The following WWOX variants were observed in gnomAD, a reference collection of about 807,000 sequenced individuals.
The protein encoded by WWOX is WW domain-containing oxidoreductase.
In WWOX, 69 loss-of-function variants were observed where a neutral mutation model predicts 46.2. The observed-to-expected ratio is 1.49, with a 90% CI of 1.23 to 1.82. WWOX has a LOEUF of 1.82. Among genes scored for constraint, WWOX ranks in the 40% most tolerant of loss-of-function variants. The pLI, the probability that WWOX is intolerant of heterozygous loss-of-function variation, is 0.00. For missense variants in WWOX, 919 were observed against 542.6 expected, an observed-to-expected ratio of 1.69 and a Z score of -6.89; for synonymous variants, 359 against 202.6, an observed-to-expected ratio of 1.77 and a Z score of -6.56.
chr16:78,927,115 C>T (rs370219928), intron 8 of WWOX, among the ~76,000 whole-genome samples: 3 of 152,184 alleles, frequency 2.0e-5, no homozygotes, highest in Admixed American at 6.5e-5. Context: ...TTCTTGACTG[C>T]GAGAAAGTCA....
At chr16:79,096,455 G>C (rs1005636740) in intron 8 of WWOX, among the ~76,000 whole-genome samples, 1 of 151,984 alleles carries the variant, frequency 6.6e-6, no homozygotes, top group Non-Finnish European at 1.5e-5. Context: ...CTGTTCAATG[G>C]AATGAGACCC....
In WWOX at chr16:79,053,313, A is replaced by G. The variant is rs137979273; in HGVS notation, c.1057-158295A>G. Among the ~76,000 whole-genome samples the G allele has an allele frequency of 3.0e-3, 463 of 152,286 alleles. 4 individuals are homozygous for G. The highest frequency in any genetic ancestry group is 8.1e-3 in the Admixed American group (124 of 15,284). On this transcript the variant is annotated intron_variant, in intron 8 of 8. Transcript: ENST00000566780. ...TTAATTTCCACCAATTAGAACCCGA[A>G]TGAAGCCGTTTTAATGTGATTCCTG...
intron 8 of WWOX, among the ~76,000 whole-genome samples, chr16:78,668,345 C>T (rs1449229196): frequency 6.6e-6 from 1 of 152,144 alleles, no homozygotes; most frequent in Non-Finnish European, 1.5e-5. Flanking sequence ...TTCTCCTGTT[C>T]GACTTGACTC....
chr16:78,820,371 C>T (rs182477515), intron 8 of WWOX, among the ~76,000 whole-genome samples: 240 of 152,254 alleles, frequency 1.6e-3, no homozygotes, highest in African/African-American at 5.5e-3. Flanking sequence ...CAGAAATAAT[C>T]GTGGAGTCAA....
At chr16:78,742,125 T>G (rs1039629053) in intron 8 of WWOX, among the ~76,000 whole-genome samples, 3 of 152,174 alleles carry the variant, frequency 2.0e-5, no homozygotes, top group Admixed American at 6.5e-5. Context: ...TCTCAACCCA[T>G]TTAAATGTCT....
At chr16:78,687,419 A>T (rs141498376) in intron 8 of WWOX, among the ~76,000 whole-genome samples, 2,027 of 152,312 alleles carry the variant, frequency 0.013, 49 homozygotes, top group African/African-American at 0.047. Flanking sequence ...GATTTGTTCT[A>T]TTGCATGCTG....
At chr16:79,011,712 C>G (rs1309165471) in intron 8 of WWOX, among the ~76,000 whole-genome samples, 1 of 151,924 alleles carries the variant, frequency 6.6e-6, no homozygotes, top group African/African-American at 2.4e-5. Flanking sequence ...AGGCTGGTCT[C>G]AAACTCCTGG....
At chr16:79,184,158 C>G (rs528292834) in intron 8 of WWOX, among the ~76,000 whole-genome samples, 1 of 152,170 alleles carries the variant, frequency 6.6e-6, no homozygotes, top group South Asian at 2.1e-4. Flanking sequence ...TAAACCCTCC[C>G]CCAAATGCTC....
At chr16:78,250,052 C>T (rs1276162823) in intron 5 of WWOX, among the ~76,000 whole-genome samples, 1 of 152,208 alleles carries the variant, frequency 6.6e-6, no homozygotes, top group Non-Finnish European at 1.5e-5. Flanking sequence ...CCTGGAGGGA[C>T]AGACCTGGCC....
intron 8 of WWOX, among the ~76,000 whole-genome samples, chr16:79,056,520 A>G (rs767794320): frequency 2.6e-5 from 4 of 152,180 alleles, no homozygotes; most frequent in East Asian, 1.9e-4. Flanking sequence ...GGGTTTCTCA[A>G]GCTTTGGCAC....
chr16:78,591,904 C>T (rs553902977), intron 8 of WWOX, among the ~76,000 whole-genome samples: 2 of 152,188 alleles, frequency 1.3e-5, no homozygotes, highest in Non-Finnish European at 2.9e-5. Context: ...CAGAAAACCA[C>T]CACTGACCAC....
At chr16:78,719,455 A>C (rs868474813) in intron 8 of WWOX, among the ~76,000 whole-genome samples, 1 of 152,270 alleles carries the variant, frequency 6.6e-6, no homozygotes, top group Admixed American at 6.5e-5. Flanking sequence ...TCACATGTGC[A>C]CTGAAAAAGT....
At chr16:78,876,915 G>A (rs535029106) in intron 8 of WWOX, among the ~76,000 whole-genome samples, 1 of 152,124 alleles carries the variant, frequency 6.6e-6, no homozygotes, top group South Asian at 2.1e-4. Context: ...AGGAAATCTT[G>A]TAACTCTACT....
At chr16:78,159,671 G>GTTTTTT (rs1343670783) in intron 4 of WWOX, among the ~76,000 whole-genome samples, 13 of 84,602 alleles carry the variant, frequency 1.5e-4, no homozygotes, top group Non-Finnish European at 2.3e-4. Flanking sequence ...TAAAATCTGT[G>GTTTTTT]GTTTTTTTTT....
At chr16:78,961,792 T>C (rs931804282) in intron 8 of WWOX, among the ~76,000 whole-genome samples, 1 of 152,162 alleles carries the variant, frequency 6.6e-6, no homozygotes, top group Non-Finnish European at 1.5e-5. Context: ...CAGGTTATCA[T>C]AGTAGTCTTG....
intron 8 of WWOX, chr16:78,891,195 C>A (rs1366787154): frequency 6.6e-6 from 1 of 152,064 alleles, no homozygotes; most frequent in East Asian, 1.9e-4. Flanking sequence ...CTGTTTTTCA[C>A]CTCTTTTGTC....
At chr16:78,488,273 G>T (rs2151457748) in intron 8 of WWOX, among the ~76,000 whole-genome samples, 1 of 152,248 alleles carries the variant, frequency 6.6e-6, no homozygotes, top group South Asian at 2.1e-4. Flanking sequence ...GTGAATTTCA[G>T]GATTATTCTG....
Position 78,776,678 on chromosome 16 carries a change from T to G in WWOX, c.1056+343926T>G, listed in dbSNP as rs111948799. Among the ~76,000 whole-genome samples the G allele has an allele frequency of 2.2e-3, 340 of 152,156 alleles. 2 individuals carry two copies. Among genetic ancestry groups the G allele is most frequent in the African/African-American group, 8.0e-3 (334 of 41,498 alleles). On this transcript the variant is annotated intron_variant, in intron 8 of 8. Coordinates refer to ENST00000566780, the MANE Select transcript of WWOX (RefSeq NM_016373.4). ...TTGGGAAATTTATAAAGAAAAGAGG[T>G]TTAATTGACTCACAATTCTGCATGG...
chr16:78,822,936 A>C (rs1050112827), intron 8 of WWOX, among the ~76,000 whole-genome samples: 2 of 152,190 alleles, frequency 1.3e-5, no homozygotes, highest in African/African-American at 4.8e-5. Flanking sequence ...TAAAAGAAAA[A>C]AAAAAAGGAA....
Sources: allele counts gnomAD v4.1 joint callset (sites outside exome capture counted in the v4.1 genomes callset), GRCh38; gene constraint gnomAD v4.1.1; transcripts MANE v1.5; gene names NCBI Gene and HGNC (gene_info 2026-07-23, HGNC 2026-07-21).